Variants in ATAD2B observed in about 807,000 individuals in gnomAD.
ATAD2B encodes ATPase family AAA domain containing 2B.
A neutral mutation model predicts 167.6 loss-of-function variants in ATAD2B; 40 were observed. The ratio of observed to expected loss-of-function variants is 0.24; its 90% confidence interval spans 0.19 to 0.31. ATAD2B has a LOEUF of 0.31. ATAD2B is among the 10% of genes least tolerant of loss of function. The pLI, the probability that ATAD2B is intolerant of heterozygous loss-of-function variation, is 1.00. For missense variants in ATAD2B, 1,242 were observed against 1,757.2 expected (o/e 0.71, Z 5.24); for synonymous variants, 579 against 596.5 (o/e 0.97, Z 0.43).
At chr2:23,917,927 G>A (rs1469165575) in intron 1 of ATAD2B, among the ~76,000 whole-genome samples, 1 of 151,792 alleles carries the variant, frequency 6.6e-6, no homozygotes, top group South Asian at 2.1e-4. Context: ...GCATGGTGAC[G>A]CAAGCCTGTA....
At chr2:23,906,470 G>T (rs1701509649) in intron 1 of ATAD2B, among the ~76,000 whole-genome samples, 1 of 152,118 alleles carries the variant, frequency 6.6e-6, no homozygotes, top group African/African-American at 2.4e-5. Flanking sequence ...TATTAGAAAG[G>T]CTCCTGGTCG....
At chr2:23,899,747 C>T (rs1335712977) in intron 1 of ATAD2B, among the ~76,000 whole-genome samples, 1 of 151,944 alleles carries the variant, frequency 6.6e-6, no homozygotes, top group Non-Finnish European at 1.5e-5. Context: ...CATGCCACCA[C>T]GCCCAGCTAA....
At chr2:23,734,815 C>T in the ATAD2B span, among the ~76,000 whole-genome samples, 11 of 152,312 alleles carry the variant, frequency 7.2e-5, no homozygotes, top group South Asian at 2.3e-3. Flanking sequence ...AGTTCCTCTC[C>T]TCTATCTCCC....
At chr2:23,865,690 G>A (rs919024026) in intron 10 of ATAD2B, among the ~76,000 whole-genome samples, 7 of 152,056 alleles carry the variant, frequency 4.6e-5, no homozygotes, top group African/African-American at 1.7e-4. Flanking sequence ...GACCTCCCAA[G>A]GTCAATGTTA....
chr2:23,828,228 A>G (rs930201832), intron 15 of ATAD2B, among the ~76,000 whole-genome samples: 5 of 152,158 alleles, frequency 3.3e-5, no homozygotes, highest in African/African-American at 7.2e-5. Context: ...CCTGAATTCC[A>G]TCTCCTATGT....
At chr2:23,798,092 T>G (rs1442412962) in intron 19 of ATAD2B, 46 bp downstream of exon 19, 2 of 1,242,506 alleles carry the variant, frequency 1.6e-6, no homozygotes, top group African/African-American at 1.5e-5. Context: ...GTCAACTATT[T>G]TAGAACAATA....
chr2:23,797,610 C>A (rs1572794274), intron 19 of ATAD2B, among the ~76,000 whole-genome samples: 2 of 152,012 alleles, frequency 1.3e-5, no homozygotes, highest in Non-Finnish European at 2.9e-5. Flanking sequence ...AGATTTCAAA[C>A]CTTTTCAGAT....
chr2:23,778,428 G>GATTTGTTTCAAATA (rs1230280548), intron 22 of ATAD2B, among the ~76,000 whole-genome samples: 4 of 152,066 alleles, frequency 2.6e-5, no homozygotes, highest in Non-Finnish European at 4.4e-5. Context: ...CCAGCCCTTA[G>GATTTGTTTCAAATA]ATTTGTTTCA....
intron 15 of ATAD2B, among the ~76,000 whole-genome samples, chr2:23,825,848 C>G (rs552837307): frequency 1.8e-4 from 28 of 152,194 alleles, no homozygotes; most frequent in African/African-American, 6.0e-4. Context: ...AAATGTTACC[C>G]ATAACATTTA....
chr2:23,872,834 ACT>A, intron 8 of ATAD2B: 1 of 986,548 alleles, frequency 1.0e-6, no homozygotes, highest in Non-Finnish European at 1.6e-6. Context: ...TCTCTTCTGC[ACT>A]GAGGTGAAGC....
chr2:23,814,212 C>G (rs755886193), intron 17 of ATAD2B, among the ~76,000 whole-genome samples: 17 of 152,000 alleles, frequency 1.1e-4, no homozygotes, highest in Non-Finnish European at 2.5e-4. Context: ...GGGCAAAGGA[C>G]GTAAAACAAG....
At chr2:23,904,897 C>A (rs1356924438) in intron 1 of ATAD2B, among the ~76,000 whole-genome samples, 1 of 152,150 alleles carries the variant, frequency 6.6e-6, no homozygotes, top group Non-Finnish European at 1.5e-5. Context: ...AAACAAAACT[C>A]TGCACTGCTA....
At position 23,912,207 on chromosome 2, in the gene ATAD2B, G is replaced by A. The variant is rs189634090; in HGVS notation, c.216+14348C>T. Reference sequence around the variant, plus strand: ...AGAAGTAATTAACAAAACTATAAACGGAAAGTAGGCCGGGTACAGTGACTC... The same window carrying A: ...AGAAGTAATTAACAAAACTATAAACAGAAAGTAGGCCGGGTACAGTGACTC... On this transcript the variant is annotated intron_variant, in intron 1 of 27. Coordinates refer to ENST00000238789, the MANE Select transcript of ATAD2B (RefSeq NM_017552.4). 4.6e-5 allele frequency among the ~76,000 whole-genome samples: 7 copies of A among 152,156 alleles called. No homozygotes were observed. The South Asian group carries it at 6.2e-4, about 14-fold the overall frequency.
chr2:23,719,594 G>A, the ATAD2B span, among the ~76,000 whole-genome samples: 1 of 152,164 alleles, frequency 6.6e-6, no homozygotes, highest in East Asian at 1.9e-4. Context: ...CAGATGGTAA[G>A]AGAATAGGAC....
In ATAD2B at chr2:23,885,616, C is replaced by T. The variant is rs890347746; in HGVS notation, c.675+111G>A. The T allele has an allele frequency of 1.2e-5, 7 of 574,254 alleles. No homozygotes were observed. The Admixed American group carries it at 1.4e-4, about 12-fold the overall frequency. 35.6% of individuals were successfully genotyped at this position (574,254 alleles called of 1,614,324 possible). ...TCCCAAACTAAGTTGGAAATGAAGA[C>T]GAAGGAACACTCATGCTAATTCAAA... On this transcript the variant is annotated intron_variant, in intron 5 of 27. Transcript: ENST00000238789.
intron 5 of ATAD2B, among the ~76,000 whole-genome samples, 182 bp downstream of exon 5, chr2:23,885,545 T>C (rs567901105): frequency 3.9e-5 from 6 of 152,262 alleles, no homozygotes; most frequent in African/African-American, 1.4e-4. Context: ...CTTGGAAAGG[T>C]TGTAGCAAGA....
At position 23,833,991 on chromosome 2, in the gene ATAD2B, G is replaced by T; in HGVS notation, c.1656C>A (p.Asp552Glu). The change falls in exon 14 of 28, where the codon GAC (aspartate) becomes GAA (glutamate). Residue 552 changes from aspartate (D) to glutamate (E), a missense_variant. Asp to Glu is a conservative substitution (Grantham distance 45, BLOSUM62 2). Around this residue, in one of 9 missense-constraint regions of ATAD2B, gnomAD observed 151 missense variants for 284.1 expected, o/e 0.53. Coordinates refer to ENST00000238789, the MANE Select transcript of ATAD2B (RefSeq NM_017552.4). ...GTCTCCTGAGTGCAGGATCTATAGA[G>T]TCAAGTCTGTTTGTAGCACCAATAA... Reference protein sequence around the residue: ...IVVIGATNRLDSIDPALRRPG... With the variant: ...IVVIGATNRLESIDPALRRPG... 2 of 1,613,274 alleles carry T rather than the reference G, an allele frequency of 1.2e-6. No individual in the cohort carries two copies. Among genetic ancestry groups the T allele is most frequent in the Non-Finnish European group, 1.7e-6 (2 of 1,179,476 alleles).
At chr2:23,696,838 C>A in the ATAD2B span, 1 of 257,170 alleles carries the variant, frequency 3.9e-6, no homozygotes, top group South Asian at 6.2e-5. This position sits in a 1 kb window ranked among gnomAD's most constrained non-coding sequence, Gnocchi z 5.5. Flanking sequence ...CCAGACCCTC[C>A]TGGCCAGGCA....
At chr2:23,812,978 A>G (rs893729064) in intron 17 of ATAD2B, among the ~76,000 whole-genome samples, 1 of 152,236 alleles carries the variant, frequency 6.6e-6, no homozygotes, top group African/African-American at 2.4e-5. Context: ...TTTATTAAAC[A>G]GATAAGAAAC....
Sources: allele counts gnomAD v4.1 joint callset (sites outside exome capture counted in the v4.1 genomes callset), GRCh38; gene constraint gnomAD v4.1.1; regional missense constraint gnomAD v4.1.1; non-coding constraint Gnocchi (gnomAD v3.1); transcripts MANE v1.5; gene names NCBI Gene and HGNC (gene_info 2026-07-23, HGNC 2026-07-21).